Variants in CDH1 observed in about 807,000 individuals in gnomAD.
The protein encoded by CDH1 is cadherin-1.
Under a neutral mutation model 84.5 loss-of-function variants are expected in CDH1, and 35 were observed. The observed-to-expected ratio is 0.41, with a 90% CI of 0.32 to 0.55. The LOEUF is 0.55. CDH1 is among the 20% of genes least tolerant of loss of function. The pLI, the probability that CDH1 is intolerant of heterozygous loss-of-function variation, is 0.19. For missense variants in CDH1, 994 were observed against 1,126.6 expected, an observed-to-expected ratio of 0.88 and a Z score of 1.68; for synonymous variants, 417 against 439.0, an observed-to-expected ratio of 0.95 and a Z score of 0.63.
chr16:68,822,456 C>G (rs1290860792), intron 12 of CDH1: 6 of 589,462 alleles, frequency 1.0e-5, no homozygotes, highest in African/African-American at 7.4e-5. Context: ...GCAGGGCTCC[C>G]TCTCCCAGCC....
chr16:68,817,112 C>A (rs1961007799), intron 10 of CDH1, among the ~76,000 whole-genome samples: 1 of 152,218 alleles, frequency 6.6e-6, no homozygotes, highest in Non-Finnish European at 1.5e-5. Flanking sequence ...TGAGGCCAAG[C>A]CCACAGTTTC....
At chr16:68,821,618 T>A (rs1451495722) in intron 11 of CDH1, among the ~76,000 whole-genome samples, 1 of 152,186 alleles carries the variant, frequency 6.6e-6, no homozygotes. Context: ...AATGCTTTGT[T>A]AATGACCTCA....
At chr16:68,805,714 C>G (rs1048767510) in intron 3 of CDH1, among the ~76,000 whole-genome samples, 2 of 152,176 alleles carry the variant, frequency 1.3e-5, no homozygotes, top group African/African-American at 4.8e-5. Flanking sequence ...TCTGCCTCAG[C>G]CTTCTGAGTA....
chr16:68,770,117 G>T (rs1959519019), intron 2 of CDH1, among the ~76,000 whole-genome samples: 1 of 151,380 alleles, frequency 6.6e-6, no homozygotes, highest in Non-Finnish European at 1.5e-5. Context: ...CTATTATGTT[G>T]CTTTCTTCAT....
intron 2 of CDH1, among the ~76,000 whole-genome samples, chr16:68,770,579 G>A (rs1273622998): frequency 6.6e-6 from 1 of 152,052 alleles, no homozygotes; most frequent in East Asian, 1.9e-4. Flanking sequence ...CTAGAAGGAT[G>A]TAAAGCAGTG....
intron 2 of CDH1, among the ~76,000 whole-genome samples, chr16:68,768,484 C>T (rs1412609820): frequency 1.3e-5 from 2 of 152,196 alleles, no homozygotes; most frequent in Non-Finnish European, 1.5e-5. Context: ...CTCTTAATAC[C>T]TTGGACTTTC....
At position 68,822,063 on chromosome 16, in the gene CDH1, G is replaced by T. The variant is rs35187787; in HGVS notation, c.1774G>T (p.Ala592Ser). 11 of 1,614,088 alleles carry T rather than the reference G, an allele frequency of 6.8e-6. No individual in the cohort carries two copies. The highest frequency in any genetic ancestry group is 9.3e-6 in the Non-Finnish European group (11 of 1,180,022). Residue 592 changes from alanine to serine, a missense_variant, in exon 12 of 16, where the codon GCC becomes TCC. By Grantham distance (99) the Ala-to-Ser change is moderately conservative (BLOSUM62 1). Around this residue, in one of 3 missense-constraint regions of CDH1, gnomAD observed 769 missense variants for 881.8 expected, o/e 0.87. Transcript: ENST00000261769. ...LLILSDVNDN[A>S]PIPEPRTIFF... is the part of the protein sequence containing the mutation. ...GATCCTGTCTGATGTGAATGACAAC[G>T]CCCCCATACCAGAACCTCGAACTAT...
chr16:68,781,020 A>G (rs191798629), intron 2 of CDH1, among the ~76,000 whole-genome samples: 1 of 152,342 alleles, frequency 6.6e-6, no homozygotes, highest in Admixed American at 6.5e-5. Context: ...AGCTACTGCA[A>G]TGGTCCAGGA....
chr16:68,769,772 A>G (rs1457515380), intron 2 of CDH1, among the ~76,000 whole-genome samples: 1 of 151,912 alleles, frequency 6.6e-6, no homozygotes, highest in African/African-American at 2.4e-5. Context: ...TACAAAAGAT[A>G]AAAACATTAG....
At chr16:68,753,290 A>G (rs1962935218) in intron 2 of CDH1, among the ~76,000 whole-genome samples, 1 of 151,012 alleles carries the variant, frequency 6.6e-6, no homozygotes, top group Non-Finnish European at 1.5e-5. Context: ...TTCAAAATCC[A>G]TCTGATCAAT....
intron 13 of CDH1, 116 bp from the exon 14 acceptor site, chr16:68,828,058 T>C: frequency 9.1e-7 from 1 of 1,099,272 alleles, no homozygotes; most frequent in African/African-American, 1.5e-5. Context: ...TGAAGGCAGC[T>C]AGTGGCTGTC....
chr16:68,789,636 C>G (rs1015533607), intron 2 of CDH1, among the ~76,000 whole-genome samples: 13 of 152,052 alleles, frequency 8.5e-5, no homozygotes, highest in African/African-American at 3.1e-4. Flanking sequence ...CAAGCGTCAC[C>G]ACAATCAATT....
chr16:68,773,383 G>A (rs1223273171), intron 2 of CDH1, among the ~76,000 whole-genome samples: 7 of 147,594 alleles, frequency 4.7e-5, no homozygotes, highest in South Asian at 2.1e-4. Flanking sequence ...TGCAACTTCT[G>A]CCTCCCAGGT....
At chr16:68,741,951 G>T (rs1169861717) in intron 2 of CDH1, among the ~76,000 whole-genome samples, 1 of 152,188 alleles carries the variant, frequency 6.6e-6, no homozygotes, top group Non-Finnish European at 1.5e-5. Flanking sequence ...GATTACATGT[G>T]TGAGTCACCA....
In CDH1 at chr16:68,823,187, T is replaced by G. The variant is rs563163150; in HGVS notation, c.1937-212T>G. Reference sequence around the variant, plus strand: ...CTAGGCAGCTTTTTTAAACCAACTCTAGAGCCCTCTCCCAAGCCTTAGACC... The same window carrying G: ...CTAGGCAGCTTTTTTAAACCAACTCGAGAGCCCTCTCCCAAGCCTTAGACC... On this transcript the variant is annotated intron_variant, in intron 12 of 15. Coordinates refer to ENST00000261769, the MANE Select transcript of CDH1 (RefSeq NM_004360.5). 52 of 545,910 alleles carry G rather than the reference T, an allele frequency of 9.5e-5. 1 individual carries two copies. The South Asian group carries it at 1.1e-3, about 11-fold the overall frequency. 33.8% of individuals were successfully genotyped at this position (545,910 alleles called of 1,614,324 possible). A position where few individuals can be genotyped will look rare whatever the true frequency, so the allele number is the denominator to read the frequency against.
chr16:68,743,309 TTC>T (rs1962618217), intron 2 of CDH1, among the ~76,000 whole-genome samples: 1 of 17,974 alleles, frequency 5.6e-5, no homozygotes, highest in African/African-American at 2.2e-4. Context: ...CTTTCTTTCT[TTC>T]TTTCTTTCTT....
chr16:68,742,115 AAG>A (rs1962583474), intron 2 of CDH1, among the ~76,000 whole-genome samples: 1 of 152,208 alleles, frequency 6.6e-6, no homozygotes, highest in East Asian at 1.9e-4. Flanking sequence ...GCGCGGAAAA[AAG>A]AAAAGCTGGC....
At chr16:68,755,735 A>G (rs988449246) in intron 2 of CDH1, among the ~76,000 whole-genome samples, 16 of 151,554 alleles carry the variant, frequency 1.1e-4, no homozygotes, top group Admixed American at 5.3e-4. Flanking sequence ...CCCAAGAGGA[A>G]TATTGCTCCA....
intron 3 of CDH1, among the ~76,000 whole-genome samples, chr16:68,805,794 C>T (rs1482572201): frequency 1.3e-5 from 2 of 152,054 alleles, no homozygotes; most frequent in Admixed American, 1.3e-4. Flanking sequence ...AGGATTTCAC[C>T]ATGTTGGCCA....
Sources: gnomAD v4.1 joint callset for allele counts (sites outside exome capture counted in the v4.1 genomes callset) on GRCh38, gnomAD v4.1.1 for gene constraint, gnomAD v4.1.1 regional missense constraint, MANE v1.5 for transcripts, NCBI Gene and HGNC (gene_info 2026-07-23, HGNC 2026-07-21) for gene names.